Variants in TMEM222 observed in about 807,000 individuals in gnomAD.
The protein encoded by TMEM222 is transmembrane protein 222.
A neutral mutation model predicts 25.1 loss-of-function variants in TMEM222; 18 were observed. That is an observed-to-expected ratio of 0.72 (90% CI 0.50 to 1.06). The LOEUF is 1.06. Among genes scored for constraint, TMEM222 ranks in the 50% least tolerant of loss-of-function variants. The pLI is 0.00. For missense variants in TMEM222, 296 were observed against 293.7 expected, an observed-to-expected ratio of 1.01 and a Z score of -0.06; for synonymous variants, 131 against 117.9, an observed-to-expected ratio of 1.11 and a Z score of -0.72.
intron 2 of TMEM222, 52 bp from the exon 3 acceptor site, chr1:27,332,018 A>G (rs371927517): frequency 5.5e-5 from 89 of 1,611,302 alleles, no homozygotes; most frequent in Middle Eastern, 3.3e-4. Flanking sequence ...CAGGTTTGTC[A>G]TCTGGCCCAA....
chr1:27,333,416 A>G, intron 3 of TMEM222: 1 of 471,028 alleles, frequency 2.1e-6, no homozygotes, highest in Non-Finnish European at 4.4e-6. Flanking sequence ...TGGCTGCCAT[A>G]ACAAAATCTC....
chr1:27,324,506 G>A (rs2014292512), intron 1 of TMEM222, among the ~76,000 whole-genome samples: 1 of 152,180 alleles, frequency 6.6e-6, no homozygotes, highest in African/African-American at 2.4e-5. Flanking sequence ...TGTCACCTGG[G>A]CCAAAAGCAG....
At chr1:27,334,947 T>C in intron 5 of TMEM222, 1 of 457,236 alleles carries the variant, frequency 2.2e-6, no homozygotes, top group Non-Finnish European at 3.2e-6. Flanking sequence ...GCCACAACAC[T>C]GCTGACCCTT....
intron 1 of TMEM222, chr1:27,325,724 C>A: frequency 2.3e-6 from 2 of 888,422 alleles, no homozygotes; most frequent in Non-Finnish European, 3.9e-6. Context: ...TGTCCACCTT[C>A]CAGCAGATGT....
Position 27,322,228 on chromosome 1 carries a change from T to C in TMEM222, c.31T>C (p.Leu11=), listed in dbSNP as rs770167564. 2 of 1,454,572 alleles carry C rather than the reference T, an allele frequency of 1.4e-6. No homozygotes were observed. The highest frequency in any genetic ancestry group is 1.8e-6 in the Non-Finnish European group (2 of 1,097,088). 90.1% of individuals were successfully genotyped at this position (1,454,572 alleles called of 1,614,324 possible). The stretch of plus-strand genomic sequence containing the variant: ...GGAAGCGGAAGGGAGTTCTCTGCTC[T>C]TGTTGCCGCCGCCGCCACCCCCGCC... MAEAEGSSLL[L]LPPPPPPPRM... The change falls in exon 1 of 6, where the codon TTG becomes CTG. Residue 11 remains leucine (L), a synonymous_variant. Transcript: ENST00000374076.
At chr1:27,323,330 T>A (rs2014256245) in intron 1 of TMEM222, among the ~76,000 whole-genome samples, 1 of 152,352 alleles carries the variant, frequency 6.6e-6, no homozygotes, top group African/African-American at 2.4e-5. Flanking sequence ...CCGCTATCAA[T>A]AACAGCCAGT....
chr1:27,330,826 C>G, intron 2 of TMEM222, 22 bp downstream of exon 2: 1 of 1,613,102 alleles, frequency 6.2e-7, no homozygotes. Flanking sequence ...TTCTGCCCAC[C>G]CGGGGGGTTC....
At chr1:27,323,388 T>G (rs1373205908) in intron 1 of TMEM222, among the ~76,000 whole-genome samples, 1 of 152,244 alleles carries the variant, frequency 6.6e-6, no homozygotes, top group Non-Finnish European at 1.5e-5. Flanking sequence ...TTGCTGATTC[T>G]AAAAAGATCG....
chr1:27,325,260 C>T (rs2014311649), intron 1 of TMEM222: 1 of 505,670 alleles, frequency 2.0e-6, no homozygotes, highest in Non-Finnish European at 3.7e-6. Context: ...TGGAACGATA[C>T]AGAGAAGATT....
intron 1 of TMEM222, among the ~76,000 whole-genome samples, chr1:27,324,352 T>C (rs567963021): frequency 1.1e-4 from 17 of 152,318 alleles, no homozygotes; most frequent in Admixed American, 3.9e-4. Flanking sequence ...CTGGGAGGGA[T>C]ACTCAGGAAA....
At chr1:27,333,511 G>T (rs1176314367) in intron 3 of TMEM222, 18 of 457,760 alleles carry the variant, frequency 3.9e-5, no homozygotes, top group Non-Finnish European at 6.6e-5. Flanking sequence ...TGCTGGTAGA[G>T]TCAGTGTCTG....
At chr1:27,328,804 C>A (rs1557523330) in intron 1 of TMEM222, among the ~76,000 whole-genome samples, 1 of 152,210 alleles carries the variant, frequency 6.6e-6, no homozygotes, top group Non-Finnish European at 1.5e-5. Context: ...CCACCCCAGC[C>A]CCCTGTAACT....
intron 5 of TMEM222, 123 bp from the exon 6 acceptor site, chr1:27,335,256 G>T: frequency 2.2e-6 from 2 of 904,248 alleles, no homozygotes; most frequent in East Asian, 2.4e-5. Flanking sequence ...TTGGGGTGAG[G>T]GGGTGGTTGG....
At chr1:27,335,114 A>G (rs1329966989) in intron 5 of TMEM222, 2 of 543,826 alleles carry the variant, frequency 3.7e-6, no homozygotes, top group Non-Finnish European at 6.6e-6. Flanking sequence ...AATGGGGAGC[A>G]TGTTTCCTGT....
intron 1 of TMEM222, among the ~76,000 whole-genome samples, chr1:27,328,264 G>A (rs1045252456): frequency 6.6e-6 from 1 of 152,198 alleles, no homozygotes; most frequent in Admixed American, 6.5e-5. Flanking sequence ...GGCAGATACA[G>A]AGAAAGCATG....
intron 2 of TMEM222, chr1:27,331,043 GCC>G (rs2014466738): frequency 1.4e-6 from 2 of 1,420,986 alleles, no homozygotes; most frequent in Non-Finnish European, 1.8e-6. Context: ...CCAGCCCTTT[GCC>G]CCCACCCCTG....
intron 5 of TMEM222, 121 bp from the exon 6 acceptor site, chr1:27,335,258 G>A: frequency 1.1e-6 from 1 of 922,714 alleles, no homozygotes; most frequent in Non-Finnish European, 1.7e-6. Flanking sequence ...GGGGTGAGGG[G>A]GTGGTTGGGT....
intron 3 of TMEM222, chr1:27,333,372 A>C: frequency 2.1e-6 from 1 of 471,166 alleles, no homozygotes; most frequent in Non-Finnish European, 4.4e-6. Flanking sequence ...TGTCACCTCC[A>C]GGAAGCCTTC....
intron 3 of TMEM222, chr1:27,332,588 C>T: frequency 1.4e-6 from 1 of 709,024 alleles, no homozygotes; most frequent in South Asian, 1.5e-5. Context: ...TGGTTTGGGA[C>T]ATTTGGTCTT....
Sources: allele counts gnomAD v4.1 joint callset (sites outside exome capture counted in the v4.1 genomes callset), GRCh38; gene constraint gnomAD v4.1.1; transcripts MANE v1.5; gene names NCBI Gene and HGNC (gene_info 2026-07-23, HGNC 2026-07-21).